The following GPC5 variants were observed in gnomAD, a reference collection of about 807,000 sequenced individuals.
GPC5 encodes glypican-5.
GPC5 carries 47 observed loss-of-function variants against 53.9 expected under a neutral mutation model. The observed-to-expected ratio is 0.87, with a 90% confidence interval of 0.69 to 1.11. The LOEUF (loss-of-function observed/expected upper bound fraction) is 1.11, where lower values mean the gene tolerates loss of function less well. Ranked by LOEUF, GPC5 falls within the 50% of genes most tolerant of loss-of-function variation. The probability of loss-of-function intolerance (pLI) is 0.00; values close to 1 mark genes in which losing one functional copy is unlikely to be tolerated. For synonymous variants in GPC5, 286 were observed against 263.3 expected (o/e 1.09, Z -0.84); for missense variants, 748 against 713.1 (o/e 1.05, Z -0.56).
intron 6 of GPC5, among the ~76,000 whole-genome samples, chr13:91,961,419 G>A (rs756956621): frequency 6.6e-6 from 1 of 152,042 alleles, no homozygotes; most frequent in South Asian, 2.1e-4. Context: ...GATGCCCCAG[G>A]TGACTGACAA....
chr13:91,819,146 A>G (rs1182839871), intron 5 of GPC5, among the ~76,000 whole-genome samples: 2 of 133,086 alleles, frequency 1.5e-5, no homozygotes, highest in African/African-American at 5.6e-5. Context: ...TAAAAAAAAT[A>G]TGCGCTTTTT....
At chr13:91,500,325 T>G (rs1417243277) in intron 2 of GPC5, among the ~76,000 whole-genome samples, 1 of 152,218 alleles carries the variant, frequency 6.6e-6, no homozygotes, top group Non-Finnish European at 1.5e-5. Flanking sequence ...AATAGAGAAG[T>G]CTCTTTTTCC....
At chr13:92,372,046 C>T (rs564664881) in intron 7 of GPC5, among the ~76,000 whole-genome samples, 26 of 152,268 alleles carry the variant, frequency 1.7e-4, no homozygotes, top group African/African-American at 6.3e-4. Flanking sequence ...TCACAAGGAG[C>T]TTCCTTCTGC....
intron 6 of GPC5, among the ~76,000 whole-genome samples, chr13:91,936,963 A>G (rs1471173830): frequency 2.0e-5 from 3 of 152,014 alleles, no homozygotes; most frequent in Non-Finnish European, 4.4e-5. Flanking sequence ...TCTACTGCTG[A>G]CGGCTTATCT....
chr13:92,449,405 C>G (rs894118716), intron 7 of GPC5, among the ~76,000 whole-genome samples: 8 of 152,052 alleles, frequency 5.3e-5, no homozygotes, highest in African/African-American at 1.7e-4. Flanking sequence ...CTCTCAACTC[C>G]TAGGGAATCT....
At position 92,292,000 on chromosome 13, in the gene GPC5, G is replaced by C. The variant is rs530660632; in HGVS notation, c.1561+147011G>C. Among the ~76,000 whole-genome samples, 4 of 152,330 alleles carry C rather than the reference G, an allele frequency of 2.6e-5. No homozygotes were observed. The South Asian group carries it at 8.3e-4, about 32-fold the overall frequency. ...ACTGTAACACTCACCACAAGGGTCC[G>C]CGGCTTCATTCTTGAAGTCAGTGAG... On this transcript the variant is annotated intron_variant, in intron 7 of 7. Transcript: ENST00000377067.
chr13:92,327,652 C>A (rs2043261443), intron 7 of GPC5, among the ~76,000 whole-genome samples: 1 of 152,086 alleles, frequency 6.6e-6, no homozygotes, highest in Non-Finnish European at 1.5e-5. Flanking sequence ...TGGTCTTTAG[C>A]ACCATCATTC....
chr13:91,451,627 T>G (rs554921445), intron 2 of GPC5, among the ~76,000 whole-genome samples: 157 of 151,296 alleles, frequency 1.0e-3, no homozygotes, highest in African/African-American at 3.7e-3. Context: ...TTTGTTTTTT[T>G]TTTTCCCCGA....
At chr13:91,828,202 A>G (rs183563993) in intron 5 of GPC5, among the ~76,000 whole-genome samples, 72 of 152,178 alleles carry the variant, frequency 4.7e-4, no homozygotes, top group African/African-American at 1.6e-3. Flanking sequence ...TCTTATCTTT[A>G]TAGATTATGG....
chr13:92,237,064 T>A (rs1447567088), intron 7 of GPC5, among the ~76,000 whole-genome samples: 1 of 152,182 alleles, frequency 6.6e-6, no homozygotes, highest in Non-Finnish European at 1.5e-5. Context: ...ACTAATGCCC[T>A]GAGGTATTAA....
At chr13:92,602,255 TA>T (rs1884101229) in intron 7 of GPC5, among the ~76,000 whole-genome samples, 2 of 139,650 alleles carry the variant, frequency 1.4e-5, no homozygotes, top group African/African-American at 5.3e-5. Context: ...TATATATATA[TA>T]TATATATGCA....
At chr13:92,331,682 G>T (rs1477394498) in intron 7 of GPC5, among the ~76,000 whole-genome samples, 2 of 147,558 alleles carry the variant, frequency 1.4e-5, no homozygotes, top group Admixed American at 6.7e-5. Flanking sequence ...TATACATAGG[G>T]TTTTTTTTTT....
rs74359042 is a variant in GPC5, at chr13:91,963,216, T to A, written c.1401+55159T>A. On this transcript the variant is annotated intron_variant, in intron 6 of 7. Transcript: ENST00000377067. ...AGTAGTGCTTAGGAATGAAGCAATATGAAGGAATAGGAATCCTAATTCCCT... is the reference window on the plus strand; with the variant it reads ...AGTAGTGCTTAGGAATGAAGCAATAAGAAGGAATAGGAATCCTAATTCCCT... 1.5e-4 allele frequency among the ~76,000 whole-genome samples: 23 copies of A among 152,256 alleles called. No homozygotes were observed. In the East Asian group the frequency reaches 4.4e-3, roughly 29 times the overall value.
chr13:91,695,511 C>T (rs2035861799), intron 3 of GPC5, among the ~76,000 whole-genome samples: 1 of 152,060 alleles, frequency 6.6e-6, no homozygotes. Context: ...GTAGCTGGGA[C>T]TACAGGTGCC....
At chr13:92,242,590 A>G (rs1334813762) in intron 7 of GPC5, among the ~76,000 whole-genome samples, 2 of 152,082 alleles carry the variant, frequency 1.3e-5, no homozygotes, top group African/African-American at 4.8e-5. Context: ...AAAATTAAAA[A>G]AATTAAAAAA....
chr13:92,492,058 A>G (rs1879783782), intron 7 of GPC5, among the ~76,000 whole-genome samples: 1 of 152,064 alleles, frequency 6.6e-6, no homozygotes, highest in Non-Finnish European at 1.5e-5. Flanking sequence ...TGTTTTTTGC[A>G]TGCTGTGATC....
At chr13:92,442,773 A>G (rs1400452856) in intron 7 of GPC5, among the ~76,000 whole-genome samples, 1 of 152,114 alleles carries the variant, frequency 6.6e-6, no homozygotes, top group Non-Finnish European at 1.5e-5. Flanking sequence ...TTCGTGCATA[A>G]GAGTATCAGG....
intron 4 of GPC5, among the ~76,000 whole-genome samples, chr13:91,753,668 G>A (rs866393190): frequency 2.6e-5 from 4 of 152,128 alleles, no homozygotes; most frequent in African/African-American, 9.7e-5. Flanking sequence ...CAATAAGACT[G>A]ATGATAAAAT....
chr13:92,636,570 T>C (rs754452224), intron 7 of GPC5, among the ~76,000 whole-genome samples: 1 of 152,162 alleles, frequency 6.6e-6, no homozygotes, highest in Non-Finnish European at 1.5e-5. Context: ...AACCTGAATG[T>C]TGTATTAAGT....
Sources: gnomAD v4.1 joint callset for allele counts (sites outside exome capture counted in the v4.1 genomes callset) on GRCh38, gnomAD v4.1.1 for gene constraint, MANE v1.5 for transcripts, NCBI Gene and HGNC (gene_info 2026-07-23, HGNC 2026-07-21) for gene names.